FBXL17: variants seen among roughly 807,000 people sequenced by gnomAD.
The protein encoded by FBXL17 is F-box and leucine rich repeat protein 17.
FBXL17 carries 22 observed loss-of-function variants against 66.2 expected under a neutral mutation model. That is an observed-to-expected ratio of 0.33 (90% confidence interval 0.24 to 0.47). The LOEUF is 0.47. FBXL17 is among the 20% of genes least tolerant of loss of function. The pLI is 1.00. For missense variants in FBXL17, 878 were observed against 948.2 expected, an observed-to-expected ratio of 0.93 and a Z score of 0.97; for synonymous variants, 474 against 400.5, an observed-to-expected ratio of 1.18 and a Z score of -2.19.
chr5:108,282,741 A>G (rs1425308270), intron 4 of FBXL17, among the ~76,000 whole-genome samples: 1 of 151,374 alleles, frequency 6.6e-6, no homozygotes, highest in Non-Finnish European at 1.5e-5. Context: ...CTAAGATATA[A>G]TCTTATATCT....
chr5:107,866,283 A>T (rs1157404769), intron 8 of FBXL17, among the ~76,000 whole-genome samples: 3 of 151,766 alleles, frequency 2.0e-5, no homozygotes, highest in African/African-American at 7.3e-5. Context: ...TGTGCCACAA[A>T]TTTTTTTTTA....
intron 5 of FBXL17, among the ~76,000 whole-genome samples, chr5:108,223,660 T>C (rs191920991): frequency 6.6e-6 from 1 of 152,304 alleles, no homozygotes; most frequent in Admixed American, 6.5e-5. Flanking sequence ...CATATAATTG[T>C]TATATTATTG....
At chr5:108,039,443 GTTAT>G (rs1247099964) in intron 6 of FBXL17, among the ~76,000 whole-genome samples, 1 of 151,986 alleles carries the variant, frequency 6.6e-6, no homozygotes, top group Non-Finnish European at 1.5e-5. Context: ...ACTGTGACAA[GTTAT>G]TTATTTATAT....
rs188826456 is a variant in FBXL17, at chr5:108,014,738, C to T, written c.1822+6187G>A. On this transcript the variant is annotated intron_variant, in intron 7 of 8. Transcript: ENST00000542267. ...AAATCATTTCCATTATATACTAGTCCGCTTTCATGCTGCTGATAAAGACAT... is the reference window on the plus strand; with the variant it reads ...AAATCATTTCCATTATATACTAGTCTGCTTTCATGCTGCTGATAAAGACAT... Among the ~76,000 whole-genome samples, 82 of 152,186 alleles carry T rather than the reference C, an allele frequency of 5.4e-4. 2 individuals carry two copies. The highest frequency in any genetic ancestry group is 7.9e-4 in the Non-Finnish European group (54 of 67,986).
intron 4 of FBXL17, among the ~76,000 whole-genome samples, chr5:108,337,263 A>AG (rs1314633722): frequency 3.3e-5 from 5 of 151,974 alleles, no homozygotes; most frequent in African/African-American, 1.2e-4. Flanking sequence ...CTCAAAAAAA[A>AG]AAAAAAAAGA....
rs192749039 is a variant in FBXL17, at chr5:108,102,472, A to G, written c.1746-81471T>C. ...TTTCACCACTAACTGAGATCTCGGC[A>G]AATTGCTTAAACCTTTGTGAGATAC... On this transcript the variant is annotated intron_variant, in intron 6 of 8. Transcript: ENST00000542267. Among the ~76,000 whole-genome samples, 4 of 152,290 alleles carry G rather than the reference A, an allele frequency of 2.6e-5. No homozygotes were observed. The East Asian group carries it at 5.8e-4, about 22-fold the overall frequency.
chr5:107,922,246 T>C (rs1198384004), intron 7 of FBXL17, among the ~76,000 whole-genome samples: 14 of 152,312 alleles, frequency 9.2e-5, no homozygotes, highest in Non-Finnish European at 1.6e-4. Context: ...TGTAATACAT[T>C]ACAATGTCTG....
At chr5:107,969,040 T>G (rs188804170) in intron 7 of FBXL17, among the ~76,000 whole-genome samples, 21 of 152,286 alleles carry the variant, frequency 1.4e-4, no homozygotes, top group Admixed American at 1.2e-3. Flanking sequence ...ACTGCCTGTT[T>G]GATGACAAAG....
At chr5:107,980,342 C>T (rs1404701623) in intron 7 of FBXL17, among the ~76,000 whole-genome samples, 1 of 151,834 alleles carries the variant, frequency 6.6e-6, no homozygotes, top group Non-Finnish European at 1.5e-5. Context: ...GACTACCCTT[C>T]AATTAACTTA....
chr5:108,299,610 G>T, intron 4 of FBXL17: 2 of 968,052 alleles, frequency 2.1e-6, no homozygotes, highest in Non-Finnish European at 2.5e-6. Context: ...TTGCTATAAT[G>T]AATACCTATA....
intron 7 of FBXL17, among the ~76,000 whole-genome samples, chr5:107,946,673 A>G (rs921250461): frequency 6.6e-6 from 1 of 152,008 alleles, no homozygotes; most frequent in Non-Finnish European, 1.5e-5. Flanking sequence ...AAGCCCCTGC[A>G]TAATTTTTGG....
chr5:108,294,884 A>G (rs1351912163), intron 4 of FBXL17, among the ~76,000 whole-genome samples: 1 of 152,154 alleles, frequency 6.6e-6, no homozygotes, highest in Non-Finnish European at 1.5e-5. Flanking sequence ...AAAGCCATCT[A>G]CTAATGTTAC....
At chr5:107,939,328 G>C (rs765506679) in intron 7 of FBXL17, among the ~76,000 whole-genome samples, 3 of 152,074 alleles carry the variant, frequency 2.0e-5, no homozygotes, top group African/African-American at 7.2e-5. Flanking sequence ...TCTGAGACTT[G>C]ACAATCCTCG....
At chr5:108,255,331 T>A (rs972875418) in intron 4 of FBXL17, among the ~76,000 whole-genome samples, 1 of 152,172 alleles carries the variant, frequency 6.6e-6, no homozygotes, top group African/African-American at 2.4e-5. Context: ...CATTTGGTTG[T>A]TCCTATCTTA....
chr5:108,211,950 A>G (rs1371276327), intron 5 of FBXL17, among the ~76,000 whole-genome samples: 1 of 151,980 alleles, frequency 6.6e-6, no homozygotes, highest in African/African-American at 2.4e-5. Flanking sequence ...TCTCCCCATC[A>G]CCTTCAGGTA....
chr5:108,157,377 A>G (rs1260353381), intron 6 of FBXL17, among the ~76,000 whole-genome samples: 1 of 152,052 alleles, frequency 6.6e-6, no homozygotes, highest in Non-Finnish European at 1.5e-5. Flanking sequence ...AATCACTACT[A>G]AATTACATTA....
At chr5:107,968,941 A>G (rs567898601) in intron 7 of FBXL17, among the ~76,000 whole-genome samples, 2 of 152,272 alleles carry the variant, frequency 1.3e-5, no homozygotes, top group Middle Eastern at 3.4e-3. Context: ...TGACCCCCCA[A>G]AAAAACCCAA....
chr5:107,875,194 C>T (rs1328581527), intron 8 of FBXL17, among the ~76,000 whole-genome samples: 1 of 151,456 alleles, frequency 6.6e-6, no homozygotes, highest in African/African-American at 2.4e-5. Flanking sequence ...AACAGCTGTG[C>T]AGACAAGGCA....
chr5:107,993,087 G>A (rs1753323776), intron 7 of FBXL17, among the ~76,000 whole-genome samples: 1 of 151,940 alleles, frequency 6.6e-6, no homozygotes, highest in Admixed American at 6.6e-5. Flanking sequence ...AGTAGAGACG[G>A]GGTTTCACCA....
Sources: gnomAD v4.1 joint callset for allele counts (sites outside exome capture counted in the v4.1 genomes callset) on GRCh38, gnomAD v4.1.1 for gene constraint, MANE v1.5 for transcripts, NCBI Gene and HGNC (gene_info 2026-07-23, HGNC 2026-07-21) for gene names.